Variants in COL19A1 observed in about 807,000 individuals in gnomAD.
COL19A1 encodes the protein collagen alpha-1(XIX) chain.
In COL19A1, 159 loss-of-function variants were observed where a neutral mutation model predicts 190.2. The ratio of observed to expected loss-of-function variants is 0.84; its 90% CI spans 0.73 to 0.95. COL19A1 has a LOEUF of 0.95. Among genes scored for constraint, COL19A1 ranks in the 40% least tolerant of loss-of-function variants. The pLI, the probability that COL19A1 is intolerant of heterozygous loss-of-function variation, is 0.00. For missense variants in COL19A1, 1,418 were observed against 1,431.9 expected (o/e 0.99, Z 0.16); for synonymous variants, 509 against 458.9 (o/e 1.11, Z -1.39).
At chr6:70,054,075 G>T (rs1780361124) in intron 14 of COL19A1, among the ~76,000 whole-genome samples, 1 of 152,210 alleles carries the variant, frequency 6.6e-6, no homozygotes, top group South Asian at 2.1e-4. Flanking sequence ...TTTTGGCCAG[G>T]TGCAGTGGCT....
At chr6:70,064,356 A>C (rs1781040818) in intron 14 of COL19A1, among the ~76,000 whole-genome samples, 1 of 152,168 alleles carries the variant, frequency 6.6e-6, no homozygotes, top group African/African-American at 2.4e-5. Context: ...CCAAAGACAA[A>C]AACCACATGA....
At chr6:69,935,264 T>C (rs1234650253) in intron 7 of COL19A1, among the ~76,000 whole-genome samples, 1 of 151,888 alleles carries the variant, frequency 6.6e-6, no homozygotes, top group Non-Finnish European at 1.5e-5. Context: ...AGGAGAAGAG[T>C]CCTTACTTGT....
At chr6:70,149,632 CT>C in intron 27 of COL19A1, 71 bp from the exon 28 acceptor site, 1 of 1,582,132 alleles carries the variant, frequency 6.3e-7, no homozygotes. Flanking sequence ...AATGCTTAGT[CT>C]TTTATGTCAC....
intron 42 of COL19A1, among the ~76,000 whole-genome samples, chr6:70,178,199 G>A (rs1330022176): frequency 6.6e-6 from 1 of 152,138 alleles, no homozygotes; most frequent in Non-Finnish European, 1.5e-5. Context: ...ACCAACCTGG[G>A]AAACATGGCA....
At chr6:70,120,755 T>A (rs151082008) in intron 16 of COL19A1, among the ~76,000 whole-genome samples, 37 of 152,304 alleles carry the variant, frequency 2.4e-4, no homozygotes, top group African/African-American at 8.9e-4. Context: ...TTGTGCCCTT[T>A]ATGTTTAGTG....
chr6:70,130,223 G>C lies in COL19A1; in HGVS notation c.1383G>C (p.Lys461Asn), dbSNP rs1240137608. The change falls in exon 18 of 51, where the codon AAG (lysine) becomes AAC (asparagine). Residue 461 changes from lysine to asparagine, a missense_variant and splice_region_variant. Physicochemically the swap from Lys to Asn is moderately conservative, Grantham distance 94. Transcript: ENST00000620364. The part of the protein sequence containing the change: ...EHEAGGLKGD[K>N]GETGLPGFPG... ...AAGCTGGAGGCCTGAAAGGAGACAAGGTAATCAGATTTTTTTTTTTTAGAT... is the reference window on the plus strand; with the variant it reads ...AAGCTGGAGGCCTGAAAGGAGACAACGTAATCAGATTTTTTTTTTTTAGAT... 1 of 1,612,374 alleles carries C rather than the reference G, an allele frequency of 6.2e-7. No individual in the cohort carries two copies. The highest frequency in any genetic ancestry group is 2.2e-5 in the East Asian group (1 of 44,798).
chr6:70,162,137 T>C (rs1454767449), intron 35 of COL19A1, among the ~76,000 whole-genome samples, 184 bp downstream of exon 35: 4 of 152,206 alleles, frequency 2.6e-5, no homozygotes, highest in Non-Finnish European at 5.9e-5. Context: ...GGCTACTCAG[T>C]GTCCTGGGGA....
At chr6:69,899,165 A>ATTTT (rs112888229) in intron 3 of COL19A1, 143 bp downstream of exon 3, 20 of 426,318 alleles carry the variant, frequency 4.7e-5, no homozygotes, top group South Asian at 9.6e-5. Context: ...ATTCTTTTTA[A>ATTTT]TTTTTTTTTT....
At chr6:70,033,440 A>G (rs1195673172) in intron 12 of COL19A1, among the ~76,000 whole-genome samples, 1 of 152,110 alleles carries the variant, frequency 6.6e-6, no homozygotes, top group African/African-American at 2.4e-5. Flanking sequence ...TAAGGAAAAA[A>G]GAAGTTTTTT....
intron 40 of COL19A1, among the ~76,000 whole-genome samples, chr6:70,169,041 G>T (rs1447685902): frequency 6.7e-6 from 1 of 150,124 alleles, no homozygotes; most frequent in Non-Finnish European, 1.5e-5. Flanking sequence ...TTACTGGAAA[G>T]AAATCCCTTA....
chr6:70,200,778 A>C (rs558045665), intron 49 of COL19A1, among the ~76,000 whole-genome samples: 1 of 152,212 alleles, frequency 6.6e-6, no homozygotes, highest in Non-Finnish European at 1.5e-5. Flanking sequence ...TCAGTTCCCA[A>C]TAGCAGTGCC....
At chr6:69,867,832 C>T (rs1767570962) in intron 1 of COL19A1, among the ~76,000 whole-genome samples, 1 of 151,886 alleles carries the variant, frequency 6.6e-6, no homozygotes, top group Non-Finnish European at 1.5e-5. Flanking sequence ...AGAGGAGGGC[C>T]CAGAATGCTG....
At chr6:69,908,062 C>A (rs1479426566) in intron 4 of COL19A1, among the ~76,000 whole-genome samples, 1 of 152,210 alleles carries the variant, frequency 6.6e-6, no homozygotes, top group Non-Finnish European at 1.5e-5. Flanking sequence ...AAAGGCTAAA[C>A]TTCCTTAAGC....
At chr6:70,182,703 A>G (rs1766253427) in intron 44 of COL19A1, among the ~76,000 whole-genome samples, 1 of 152,212 alleles carries the variant, frequency 6.6e-6, no homozygotes, top group African/African-American at 2.4e-5. Flanking sequence ...CATACAGGTA[A>G]GTAATATGAG....
chr6:70,076,293 T>A (rs1781878929), intron 15 of COL19A1, among the ~76,000 whole-genome samples: 1 of 152,242 alleles, frequency 6.6e-6, no homozygotes, highest in Non-Finnish European at 1.5e-5. Flanking sequence ...CTGCATAATA[T>A]ACACCCATTG....
intron 11 of COL19A1, among the ~76,000 whole-genome samples, chr6:69,988,665 T>C (rs1327868701): frequency 1.3e-5 from 2 of 152,146 alleles, no homozygotes; most frequent in African/African-American, 4.8e-5. Context: ...AAGAGACTGA[T>C]AATACCGTTG....
At chr6:70,070,224 C>G (rs1411899710) in intron 15 of COL19A1, among the ~76,000 whole-genome samples, 1 of 151,850 alleles carries the variant, frequency 6.6e-6, no homozygotes. Flanking sequence ...AAAATTGTAC[C>G]CTATCAAAGC....
chr6:70,041,323 A>C (rs1291781345), intron 14 of COL19A1, among the ~76,000 whole-genome samples: 1 of 152,222 alleles, frequency 6.6e-6, no homozygotes, highest in Admixed American at 6.5e-5. Context: ...ATAATTTTAA[A>C]GTTCTAAAGA....
At chr6:69,878,314 A>G (rs1454657259) in intron 1 of COL19A1, among the ~76,000 whole-genome samples, 2 of 151,816 alleles carry the variant, frequency 1.3e-5, no homozygotes, top group Non-Finnish European at 2.9e-5. Flanking sequence ...CCCAGGTTCA[A>G]GTGATTCTCC....
Sources: gnomAD v4.1 joint callset for allele counts (sites outside exome capture counted in the v4.1 genomes callset) on GRCh38, gnomAD v4.1.1 for gene constraint, MANE v1.5 for transcripts, NCBI Gene and HGNC (gene_info 2026-07-23, HGNC 2026-07-21) for gene names.